ZNF582: variants seen among roughly 807,000 people sequenced by gnomAD.
ZNF582 encodes zinc finger protein 582.
A neutral mutation model predicts 12.3 loss-of-function variants in ZNF582; 14 were observed. The ratio of observed to expected loss-of-function variants is 1.14; its 90% CI spans 0.75 to 1.78. ZNF582 has a LOEUF of 1.78. Among genes scored for constraint, ZNF582 ranks in the 40% most tolerant of loss-of-function variants. The probability of loss-of-function intolerance (pLI) is 0.00; values close to 1 mark genes in which losing one functional copy is unlikely to be tolerated. For synonymous variants in ZNF582, 210 were observed against 207.2 expected (o/e 1.01, Z -0.11); for missense variants, 567 against 616.5 (o/e 0.92, Z 0.85).
chr19:56,392,237 C>T (rs183725871), intron 1 of ZNF582, among the ~76,000 whole-genome samples: 2 of 152,244 alleles, frequency 1.3e-5, no homozygotes, highest in Non-Finnish European at 2.9e-5. Context: ...CCATTTAACT[C>T]TCTCCTGCAG....
intron 1 of ZNF582, among the ~76,000 whole-genome samples, chr19:56,392,707 AAAAAC>A (rs142318117): frequency 0.2 from 29,769 of 151,780 alleles, 3,345 homozygotes; most frequent in Non-Finnish European, 0.27. Context: ...CACACAGGCT[AAAAAC>A]AAAACAAAAC....
rs117589292 is a variant in ZNF582 at position 56,391,448 on chromosome 19, T to C, written c.9+296A>G. Among the ~76,000 whole-genome samples, 22 of 152,324 alleles carry C rather than the reference T, an allele frequency of 1.4e-4. No individual in the cohort carries two copies. The East Asian group carries it at 4.0e-3, about 28-fold the overall frequency. ...CCCCTGCTTTTCTATATGTGATTGC[T>C]CCTAAGCATTCATTCCATCTCTTCA... On this transcript the variant is annotated intron_variant, in intron 2 of 4. Coordinates refer to ENST00000586929, the Ensembl canonical transcript of ZNF582.
chr19:56,393,140 T>TA (rs11439847), intron 1 of ZNF582, 80 bp downstream of exon 1: 393,641 of 983,174 alleles, frequency 0.4, 28,993 homozygotes, highest in East Asian at 0.61. Flanking sequence ...CCTCTCAGAT[T>TA]AAAAAAAAAA....
At chr19:56,393,343 G>T (rs2042034094) in exon 1 of ZNF582, 1 of 1,047,906 alleles carries the variant, frequency 9.5e-7, no homozygotes, top group Non-Finnish European at 1.3e-6. Flanking sequence ...CGACGATGAG[G>T]CGAGACGTCT....
intron 3 of ZNF582, 134 bp downstream of exon 3, chr19:56,390,241 C>T (rs1300395626): frequency 1.1e-5 from 16 of 1,436,302 alleles, no homozygotes; most frequent in Non-Finnish European, 1.5e-5. Context: ...GGGGATGCAG[C>T]TTCAGCCGAC....
chr19:56,390,564 A>G (rs115057537), intron 2 of ZNF582, 63 bp from the exon 3 acceptor site: 16,959 of 1,581,694 alleles, frequency 0.011, 166 homozygotes, highest in African/African-American at 0.05. Flanking sequence ...ATGAAAGGAG[A>G]TGGGGCAGGT....
At chr19:56,390,054 T>C (rs532688196) in exon 4 of ZNF582, 2 of 1,613,928 alleles carry the variant, frequency 1.2e-6, no homozygotes, top group African/African-American at 2.7e-5. Context: ...CTCTTTGCCT[T>C]GCTCTAGGAA....
At chr19:56,385,233 T>A (rs755467518) in intron 4 of ZNF582, 49 bp from the exon 5 acceptor site, 3 of 1,498,022 alleles carry the variant, frequency 2.0e-6, no homozygotes, top group South Asian at 2.7e-5. Context: ...TTTTTCCAGA[T>A]AAAGGAACTA....
Position 56,390,099 on chromosome 19 carries a change from G to C in ZNF582, c.137-3C>G. 1 of 1,613,446 alleles carries C rather than the reference G, an allele frequency of 6.2e-7. No individual in the cohort carries two copies. The highest frequency in any genetic ancestry group is 8.5e-7 in the Non-Finnish European group (1 of 1,179,750). ...ATCAGGTTTGGAAACGGCAAGACCT[G>C]GAGATGAGAAGAAACATGCCACCTG... On this transcript the variant is annotated splice_region_variant and splice_polypyrimidine_tract_variant and intron_variant, in intron 3 of 4. Transcript: ENST00000586929.
At chr19:56,389,868 T>A in intron 4 of ZNF582, 133 bp downstream of exon 4, 1 of 641,080 alleles carries the variant, frequency 1.6e-6, no homozygotes, top group Non-Finnish European at 2.7e-6. Flanking sequence ...GCTGACGAGC[T>A]GAGGAAAACA....
Position 56,387,977 on chromosome 19 carries a change from A to G in ZNF582, c.232+2024T>C, listed in dbSNP as rs187653932. Among the ~76,000 whole-genome samples, 20 of 152,358 alleles carry G rather than the reference A, an allele frequency of 1.3e-4. 1 individual carries two copies. Among genetic ancestry groups the G allele is most frequent in the Admixed American group, 1.3e-3 (20 of 15,312 alleles). On this transcript the variant is annotated intron_variant, in intron 4 of 4. Transcript: ENST00000586929. ...TTTATGACCTACTAGTCATAGCTAAATAGTCAACATTGTAAGAGCTGATAC... is the reference window on the plus strand; with the variant it reads ...TTTATGACCTACTAGTCATAGCTAAGTAGTCAACATTGTAAGAGCTGATAC...
intron 4 of ZNF582, among the ~76,000 whole-genome samples, chr19:56,388,611 A>G (rs1218030105): frequency 1.3e-5 from 2 of 152,018 alleles, no homozygotes; most frequent in Non-Finnish European, 2.9e-5. Context: ...AAACTTCATA[A>G]CGTGGTTGCC....
At chr19:56,391,946 G>C (rs2042017419) in intron 1 of ZNF582, 114 bp from the exon 2 acceptor site, 2 of 885,654 alleles carry the variant, frequency 2.3e-6, no homozygotes, top group Admixed American at 2.6e-5. Flanking sequence ...TGAGAAGGAG[G>C]GGGAGGCAAA....
chr19:56,387,446 C>T (rs2041976633), intron 4 of ZNF582: 1 of 152,144 alleles, frequency 6.6e-6, no homozygotes, highest in South Asian at 2.1e-4. Context: ...CTGGATGTTT[C>T]TGAGGTGTTT....
At chr19:56,382,786 C>G (rs2041928607) in exon 5 of ZNF582, 1 of 152,098 alleles carries the variant, frequency 6.6e-6, no homozygotes, top group Admixed American at 6.5e-5. Flanking sequence ...TCTCAGATAA[C>G]AAGGCATCAA....
At chr19:56,392,764 G>A (rs1460650529) in intron 1 of ZNF582, among the ~76,000 whole-genome samples, 1 of 152,194 alleles carries the variant, frequency 6.6e-6, no homozygotes, top group Non-Finnish European at 1.5e-5. Flanking sequence ...TCGCAGTGTT[G>A]TCATTTAACC....
At chr19:56,391,584 G>A (rs1318731285) in intron 2 of ZNF582, among the ~76,000 whole-genome samples, 160 bp downstream of exon 2, 2 of 152,164 alleles carry the variant, frequency 1.3e-5, no homozygotes, top group African/African-American at 4.8e-5. Flanking sequence ...ATAAATCTGT[G>A]GGCATTTGTC....
At chr19:56,389,890 A>T in intron 4 of ZNF582, 111 bp downstream of exon 4, 1 of 774,300 alleles carries the variant, frequency 1.3e-6, no homozygotes, top group East Asian at 2.5e-5. Flanking sequence ...CACGTAAGAC[A>T]TAAGCTTTGA....
rs142615352 is a variant in ZNF582, at chr19:56,383,968, A to G, written c.1449T>C (p.Asn483=). 1.5e-4 allele frequency: 245 copies of G among 1,613,846 alleles called. 1 individual carries two copies. In the African/African-American group the frequency reaches 2.8e-3, roughly 19 times the overall value. ...AACTGCTGATGGAAGGCTTTTCTAC[A>G]TTTATTATATTCACATGTGTTTCTC... Residue 483 remains asparagine, a synonymous_variant, in exon 5 of 5, where the codon AAT becomes AAC. Coordinates refer to ENST00000586929, the Ensembl canonical transcript of ZNF582.
Sources: allele counts gnomAD v4.1 joint callset (sites outside exome capture counted in the v4.1 genomes callset), GRCh38; gene constraint gnomAD v4.1.1; transcripts MANE v1.5; gene names NCBI Gene and HGNC (gene_info 2026-07-23, HGNC 2026-07-21).